Variants in RTN2 observed in about 807,000 individuals in gnomAD.
RTN2 encodes reticulon 2, also known as reticulon-2.
Under a neutral mutation model 63.7 loss-of-function variants are expected in RTN2, and 36 were observed. That is an observed-to-expected ratio of 0.56 (90% confidence interval 0.43 to 0.75). The LOEUF is 0.75. Ranked by LOEUF, RTN2 falls within the 30% of genes least tolerant of loss-of-function variation. RTN2 has a pLI of 0.00. For synonymous variants in RTN2, 312 were observed against 313.0 expected, an observed-to-expected ratio of 1.00 and a Z score of 0.03; for missense variants, 673 against 705.1, an observed-to-expected ratio of 0.95 and a Z score of 0.52.
At chr19:45,487,870 G>A (rs1469791837) in intron 9 of RTN2, among the ~76,000 whole-genome samples, 1 of 150,556 alleles carries the variant, frequency 6.6e-6, no homozygotes, top group Non-Finnish European at 1.5e-5. Flanking sequence ...TTGAACCTGG[G>A]AGGCAGAGGC....
chr19:45,486,740 T>C (rs1410817334), intron 9 of RTN2, among the ~76,000 whole-genome samples: 1 of 147,332 alleles, frequency 6.8e-6, no homozygotes, highest in Non-Finnish European at 1.5e-5. Context: ...TTCTTTCTTT[T>C]TTTTTTTTTC....
rs757343656 is a variant in RTN2, at chr19:45,488,923, G to A, written c.1305C>T (p.Ile435=). 2.6e-5 allele frequency: 42 copies of A among 1,610,986 alleles called. No homozygotes were observed. Among genetic ancestry groups the A allele is most frequent in the Non-Finnish European group, 3.6e-5 (42 of 1,178,866 alleles). ...REQTERLSHQ[I]TSRVVSAATQ... is the part of the protein sequence containing the mutation. ...TGGCCGCCGAGACCACGCGGGAGGT[G>A]ATCTGGTGGGACAAACGTTCCGTCT... Residue 435 remains isoleucine (I), a synonymous_variant, in exon 7 of 11, where the codon ATC becomes ATT. Transcript: ENST00000245923.
In RTN2 at chr19:45,488,486, C is replaced by A. The variant is rs1469667462; in HGVS notation, c.1482G>T (p.Leu494=). 1.2e-6 allele frequency: 2 copies of A among 1,613,902 alleles called. No homozygotes were observed. The highest frequency in any genetic ancestry group is 2.2e-5 in the East Asian group (1 of 44,878). The change falls in exon 9 of 11, where the codon CTG becomes CTT. Residue 494 remains leucine, a synonymous_variant. Coordinates refer to ENST00000245923, the MANE Select transcript of RTN2 (RefSeq NM_005619.5). Reference sequence around the variant, plus strand: ...TCACACTCACCTGGTGCTGCCGGTACAGCAGGGGGATGGTGAATAGACCAA... The same window carrying A: ...TCACACTCACCTGGTGCTGCCGGTAAAGCAGGGGGATGGTGAATAGACCAA... ...GVIGLFTIPL[L]YRQHQAQIDQ... is the part of the protein sequence containing the mutation.
chr19:45,491,415 C>G (rs568825346), intron 5 of RTN2, among the ~76,000 whole-genome samples: 2 of 149,512 alleles, frequency 1.3e-5, no homozygotes, highest in South Asian at 4.2e-4. Context: ...GGCTGGAGTA[C>G]AGTGGCATGA....
intron 9 of RTN2, 52 bp from the exon 10 acceptor site, chr19:45,486,165 T>G: frequency 6.5e-7 from 1 of 1,535,088 alleles, no homozygotes; most frequent in Admixed American, 1.7e-5. Flanking sequence ...TTTCTTCTCT[T>G]TAGTCACATA....
In RTN2 at chr19:45,494,215, G is replaced by A. The variant is rs1224368724; in HGVS notation, c.765C>T (p.Cys255=). 1.2e-6 allele frequency: 2 copies of A among 1,609,798 alleles called. No individual in the cohort carries two copies. The highest frequency in any genetic ancestry group is 8.5e-7 in the Non-Finnish European group (1 of 1,179,956). Residue 255 remains cysteine (C), a synonymous_variant, in exon 4 of 11, where the codon TGC becomes TGT. Transcript: ENST00000245923. This position sits in a 1 kb window ranked among gnomAD's most constrained non-coding sequence, Gnocchi z 5.3. ...ATTCTAATTGGTCCGTGCTATCGAG[G>A]CACTGTCCCCTTACTGGCTCTCGCT... ...PLEREPVRGQ[C]LDSTDQLEFT... is the part of the protein sequence containing the mutation.
intron 6 of RTN2, 101 bp from the exon 7 acceptor site, chr19:45,489,087 C>T (rs1968094311): frequency 7.3e-7 from 1 of 1,360,910 alleles, no homozygotes. Context: ...TGGGAGAAGA[C>T]CAGAGTTAGG....
chr19:45,496,584 C>T (rs1968275496), intron 1 of RTN2: 2 of 383,070 alleles, frequency 5.2e-6, no homozygotes, highest in Admixed American at 9.1e-5. Context: ...TCTCAGTGCC[C>T]CCTCACCTCC....
intron 4 of RTN2, among the ~76,000 whole-genome samples, 200 bp from the exon 5 acceptor site, chr19:45,493,578 A>T (rs1968207512): frequency 6.6e-6 from 1 of 151,758 alleles, no homozygotes; most frequent in Non-Finnish European, 1.5e-5. Context: ...TACAGGCATG[A>T]GCCACTGCGC....
intron 9 of RTN2, among the ~76,000 whole-genome samples, 187 bp downstream of exon 9, chr19:45,488,284 A>T (rs1968071490): frequency 6.6e-6 from 1 of 152,196 alleles, no homozygotes; most frequent in Non-Finnish European, 1.5e-5. Context: ...AAAAACAAAC[A>T]AAAAGCCTGT....
chr19:45,490,690 C>A (rs1262215643), intron 5 of RTN2, among the ~76,000 whole-genome samples: 9 of 151,926 alleles, frequency 5.9e-5, no homozygotes, highest in Admixed American at 5.9e-4. Flanking sequence ...AATTCTCCTG[C>A]CTCAGCCTCC....
chr19:45,493,108 G>C (rs984953071), intron 5 of RTN2, 52 bp downstream of exon 5: 4 of 1,522,002 alleles, frequency 2.6e-6, no homozygotes, highest in Non-Finnish European at 1.8e-6. Flanking sequence ...GGGCGAGTTT[G>C]GACCCCGTTC....
At chr19:45,495,336 G>C in intron 1 of RTN2, 197 bp from the exon 2 acceptor site, 1 of 633,082 alleles carries the variant, frequency 1.6e-6, no homozygotes, top group African/African-American at 1.8e-5. Flanking sequence ...TAATCTTAGA[G>C]TCTTCAAAGT....
In RTN2 at chr19:45,485,566, G is replaced by GTCCC. The variant is rs1968000397; in HGVS notation, c.*138_*141dup. The GTCCC allele has an allele frequency of 1.5e-6, 1 of 674,364 alleles. No individual in the cohort carries two copies. Among genetic ancestry groups the GTCCC allele is most frequent in the Non-Finnish European group, 2.6e-6 (1 of 377,370 alleles). 41.8% of individuals were successfully genotyped at this position (674,364 alleles called of 1,614,324 possible). On this transcript the variant is annotated 3_prime_UTR_variant, in exon 11 of 11. Coordinates refer to ENST00000245923, the MANE Select transcript of RTN2 (RefSeq NM_005619.5). ...TGGTCGCTCAGGTAATTAGCGCAGA[G>GTCCC]TCCCTAGTGGGAGTGATCCTGACAC...
intron 1 of RTN2, among the ~76,000 whole-genome samples, chr19:45,496,126 G>A (rs1400064025): frequency 1.3e-5 from 2 of 152,192 alleles, no homozygotes; most frequent in African/African-American, 4.8e-5. Context: ...CTTAGAGCTA[G>A]TTCAGAGCTT....
Position 45,496,995 on chromosome 19 carries a change from C to CGCCGCCGCCGCCG in RTN2, c.-171_-170insCGGCGGCGGCGGC. 6.6e-6 allele frequency: 2 copies of CGCCGCCGCCGCCG among 304,034 alleles called. No individual in the cohort carries two copies. The highest frequency in any genetic ancestry group is 1.1e-5 in the Non-Finnish European group (2 of 174,980). The allele number at this position is 304,034 out of a possible 1,614,324, so 18.8% of individuals were successfully genotyped here. A position where few individuals can be genotyped will look rare whatever the true frequency, so the allele number is the denominator to read the frequency against. On this transcript the variant is annotated 5_prime_UTR_variant, in exon 1 of 11. Coordinates refer to ENST00000245923, the MANE Select transcript of RTN2 (RefSeq NM_005619.5). ...CCGCCGCCGCCGCCGCCGCCGCCGC[C>CGCCGCCGCCGCCG]CTGGTGCTCGGCTCGGCGGGGGCGG...
At chr19:45,493,845 G>A (rs1418535209) in intron 4 of RTN2, 1 of 322,404 alleles carries the variant, frequency 3.1e-6, no homozygotes, top group Non-Finnish European at 5.8e-6. Context: ...CCAGGTTCAA[G>A]CGATTCTCCT....
rs200744554 is a variant in RTN2, at chr19:45,494,428, G to A, written c.560-8C>T. 94 of 1,607,916 alleles carry A rather than the reference G, an allele frequency of 5.8e-5. No homozygotes were observed. The African/African-American group carries it at 1.1e-3, about 18-fold the overall frequency. On this transcript the variant is annotated splice_region_variant and splice_polypyrimidine_tract_variant and intron_variant, in intron 3 of 10. Coordinates refer to ENST00000245923, the MANE Select transcript of RTN2 (RefSeq NM_005619.5). This position sits in a 1 kb window ranked among gnomAD's most constrained non-coding sequence, Gnocchi z 5.3. Reference sequence around the variant, plus strand: ...GGAGTCGTAGGTCCAGTTCTGATACGGTAGAGAGAGGAGGCCGTGAGCTTT... The same window carrying A: ...GGAGTCGTAGGTCCAGTTCTGATACAGTAGAGAGAGGAGGCCGTGAGCTTT...
intron 9 of RTN2, among the ~76,000 whole-genome samples, chr19:45,487,428 T>C (rs1479585774): frequency 6.6e-6 from 1 of 152,050 alleles, no homozygotes; most frequent in East Asian, 1.9e-4. Flanking sequence ...GGGCATATTA[T>C]CATGTGGCTC....
Sources: gnomAD v4.1 joint callset for allele counts (sites outside exome capture counted in the v4.1 genomes callset) on GRCh38, gnomAD v4.1.1 for gene constraint, Gnocchi (gnomAD v3.1) non-coding constraint, MANE v1.5 for transcripts, NCBI Gene and HGNC (gene_info 2026-07-23, HGNC 2026-07-21) for gene names.